Variants in ADAMTSL3 observed in about 807,000 individuals in gnomAD.
The protein encoded by ADAMTSL3 is ADAMTS like 3.
A neutral mutation model predicts 201.7 loss-of-function variants in ADAMTSL3; 128 were observed. The observed-to-expected ratio is 0.63, with a 90% CI of 0.55 to 0.73. The LOEUF is 0.73. ADAMTSL3 is among the 30% of genes least tolerant of loss of function. The pLI is 0.00. For missense variants in ADAMTSL3, 1,990 were observed against 2,119.6 expected (o/e 0.94, Z 1.20); for synonymous variants, 738 against 748.4 (o/e 0.99, Z 0.23).
intron 2 of ADAMTSL3, among the ~76,000 whole-genome samples, chr15:83,694,780 G>T (rs770666951): frequency 6.6e-6 from 1 of 152,160 alleles, no homozygotes; most frequent in Non-Finnish European, 1.5e-5. Context: ...CAGGCTCTGC[G>T]GGGAGAGGGT....
chr15:83,982,703 T>C lies in ADAMTSL3; in HGVS notation c.3075T>C (p.Ser1025=). The part of the protein sequence containing the change: ...YPGMDHSEAN[S]LGVTWHKMRQ... ...GGATGGACCACAGCGAAGCCAATAG[T>C]TTGGGAGTCACATGGCACAAAATGA... The change falls in exon 21 of 30, where the codon AGT becomes AGC. Residue 1025 remains serine (S), a synonymous_variant. Coordinates refer to ENST00000286744, the MANE Select transcript of ADAMTSL3 (RefSeq NM_207517.3). The C allele has an allele frequency of 6.2e-7, 1 of 1,613,828 alleles. No homozygotes were observed. The highest frequency in any genetic ancestry group is 1.1e-5 in the South Asian group (1 of 91,070).
rs2277849 is a variant in ADAMTSL3, at chr15:83,970,598, C to T, written c.2605C>T (p.Leu869Phe). ...GATGATGTGCAGGGATCTACCAGGG[C>T]TCCCTCTTGTAAGATCTTGCCAGAT... ...SEMMCRDLPGLPLVRSCQMPE... is the reference protein window; with the variant it reads ...SEMMCRDLPGFPLVRSCQMPE... The change falls in exon 20 of 30, where the codon CTC (leucine) becomes TTC (phenylalanine). Residue 869 changes from leucine to phenylalanine, a missense_variant. By Grantham distance (22) the Leu-to-Phe change is conservative. Transcript: ENST00000286744. 415,215 of 1,613,688 alleles carry T rather than the reference C, an allele frequency of 0.26. 55,875 individuals are homozygous for T. Among genetic ancestry groups the T allele is most frequent in the African/African-American group, 0.35 (26,359 of 74,980 alleles).
chr15:83,793,742 G>C (rs895310344), intron 4 of ADAMTSL3, among the ~76,000 whole-genome samples: 1 of 152,124 alleles, frequency 6.6e-6, no homozygotes, highest in African/African-American at 2.4e-5. Context: ...CTCCCAAAGT[G>C]CTGGGATTAT....
chr15:83,891,215 A>T, intron 11 of ADAMTSL3, 114 bp from the exon 12 acceptor site: 1 of 882,556 alleles, frequency 1.1e-6, no homozygotes, highest in Non-Finnish European at 1.8e-6. Context: ...TGATATTTTT[A>T]GTTTCCAATT....
chr15:83,906,622 CCA>C (rs1157198460), intron 15 of ADAMTSL3, among the ~76,000 whole-genome samples: 12,248 of 78,088 alleles, frequency 0.16, 596 homozygotes, highest in Non-Finnish European at 0.19. Flanking sequence ...GTGCCACACA[CCA>C]CACACACACA....
chr15:84,002,831 T>C (rs1303322075), intron 23 of ADAMTSL3, among the ~76,000 whole-genome samples: 1 of 152,166 alleles, frequency 6.6e-6, no homozygotes, highest in Non-Finnish European at 1.5e-5. Flanking sequence ...GGCAGATTCC[T>C]ACTGCCAAAA....
intron 17 of ADAMTSL3, among the ~76,000 whole-genome samples, chr15:83,931,069 T>C (rs2066346676): frequency 6.6e-6 from 1 of 152,202 alleles, no homozygotes; most frequent in Non-Finnish European, 1.5e-5. Context: ...CCCTGATCTA[T>C]CCTATAACTG....
intron 4 of ADAMTSL3, among the ~76,000 whole-genome samples, chr15:83,780,905 G>A (rs2063157786): frequency 6.6e-6 from 1 of 152,126 alleles, no homozygotes; most frequent in Non-Finnish European, 1.5e-5. Context: ...AACCAGGGAG[G>A]TAGAATATTT....
intron 4 of ADAMTSL3, among the ~76,000 whole-genome samples, chr15:83,802,273 A>G (rs1293968759): frequency 6.6e-6 from 1 of 152,210 alleles, no homozygotes; most frequent in Non-Finnish European, 1.5e-5. Flanking sequence ...TATTGTAAGT[A>G]TGGACAAAAA....
intron 26 of ADAMTSL3, among the ~76,000 whole-genome samples, chr15:84,024,675 C>G (rs1280637605): frequency 6.6e-6 from 1 of 152,176 alleles, no homozygotes; most frequent in Non-Finnish European, 1.5e-5. Context: ...AGTTCAGTCT[C>G]CTATAATCAT....
At chr15:83,807,617 A>G (rs1244396980) in intron 5 of ADAMTSL3, among the ~76,000 whole-genome samples, 3 of 152,236 alleles carry the variant, frequency 2.0e-5, no homozygotes, top group African/African-American at 7.2e-5. Context: ...CACAGAAAAA[A>G]AGAAATCCTA....
intron 19 of ADAMTSL3, among the ~76,000 whole-genome samples, chr15:83,944,104 A>G (rs2066612816): frequency 6.6e-6 from 1 of 152,182 alleles, no homozygotes; most frequent in Non-Finnish European, 1.5e-5. Context: ...CATGCAAACT[A>G]AAACTTACAA....
At chr15:83,655,319 G>A (rs986471216) in intron 1 of ADAMTSL3, among the ~76,000 whole-genome samples, 3 of 152,204 alleles carry the variant, frequency 2.0e-5, no homozygotes, top group African/African-American at 7.2e-5. Flanking sequence ...CCTTAGGCAG[G>A]TCCTTTCCCT....
intron 6 of ADAMTSL3, among the ~76,000 whole-genome samples, chr15:83,837,384 A>G (rs954419632): frequency 2.6e-5 from 4 of 152,198 alleles, no homozygotes; most frequent in Admixed American, 6.5e-5. Context: ...TTATACATCA[A>G]ATTTAGGACA....
At chr15:83,998,381 G>A (rs951808209) in intron 23 of ADAMTSL3, among the ~76,000 whole-genome samples, 1 of 152,144 alleles carries the variant, frequency 6.6e-6, no homozygotes, top group Non-Finnish European at 1.5e-5. Flanking sequence ...CCCGAGAGGC[G>A]GAGGTTGCAG....
chr15:83,698,524 C>T (rs935010517), intron 2 of ADAMTSL3, among the ~76,000 whole-genome samples: 3 of 152,138 alleles, frequency 2.0e-5, no homozygotes, highest in East Asian at 1.9e-4. Context: ...CTGGGAAGAT[C>T]GCACACTTCC....
chr15:83,991,224 G>T lies in ADAMTSL3; in HGVS notation c.3973+10G>T. On this transcript the variant is annotated intron_variant, in intron 23 of 29. Coordinates refer to ENST00000286744, the MANE Select transcript of ADAMTSL3 (RefSeq NM_207517.3). Reference sequence around the variant, plus strand: ...CGATGTCCTGTAAAAGGTAAGTGTGGTCATTTCAGTGGGAGGCCATTTCAG... The same window carrying T: ...CGATGTCCTGTAAAAGGTAAGTGTGTTCATTTCAGTGGGAGGCCATTTCAG... 1 of 1,614,014 alleles carries T rather than the reference G, an allele frequency of 6.2e-7. No homozygotes were observed. Among genetic ancestry groups the T allele is most frequent in the Non-Finnish European group, 8.5e-7 (1 of 1,179,944 alleles).
intron 6 of ADAMTSL3, among the ~76,000 whole-genome samples, chr15:83,833,688 G>T (rs189494078): frequency 2.0e-5 from 3 of 152,184 alleles, no homozygotes; most frequent in Admixed American, 2.0e-4. Context: ...GATATAATTC[G>T]GTAAAGAACA....
chr15:83,942,820 G>A (rs758157439), intron 18 of ADAMTSL3, 32 bp downstream of exon 18: 1 of 1,609,368 alleles, frequency 6.2e-7, no homozygotes, highest in South Asian at 1.1e-5. Flanking sequence ...AGGGCCCTCT[G>A]TGATTATGAC....
Sources: allele counts gnomAD v4.1 joint callset (sites outside exome capture counted in the v4.1 genomes callset), GRCh38; gene constraint gnomAD v4.1.1; transcripts MANE v1.5; gene names NCBI Gene and HGNC (gene_info 2026-07-23, HGNC 2026-07-21).